Variants in KIF26A observed in about 807,000 individuals in gnomAD.
KIF26A encodes kinesin family member 26A, also known as kinesin-like protein KIF26A.
A neutral mutation model predicts 126.0 loss-of-function variants in KIF26A; 74 were observed. The ratio of observed to expected loss-of-function variants is 0.59; its 90% CI spans 0.49 to 0.71. KIF26A has a LOEUF of 0.71. Among genes scored for constraint, KIF26A ranks in the 30% least tolerant of loss-of-function variants. The pLI is 0.00. For synonymous variants in KIF26A, 1,445 were observed against 1,232.7 expected, an observed-to-expected ratio of 1.17 and a Z score of -3.61; for missense variants, 2,984 against 2,763.3, an observed-to-expected ratio of 1.08 and a Z score of -1.79.
chr14:104,141,293 G>T (rs2037634952), intron 2 of KIF26A, among the ~76,000 whole-genome samples: 1 of 152,236 alleles, frequency 6.6e-6, no homozygotes, highest in East Asian at 1.9e-4. Context: ...GTGGCAAGGG[G>T]TATTTAGGGT....
In KIF26A at chr14:104,175,655, C is replaced by T. The variant is rs1256653874; in HGVS notation, c.2867C>T (p.Pro956Leu). 6.2e-7 allele frequency: 1 copy of T among 1,609,686 alleles called. No homozygotes were observed. Among genetic ancestry groups the T allele is most frequent in the Non-Finnish European group, 8.5e-7 (1 of 1,179,144 alleles). ...RPLPSPAPPP[P>L]QLLEACRAPE... The stretch of plus-strand genomic sequence containing the variant: ...CTGCCCAGCCCGGCTCCCCCACCTC[C>T]TCAGTTGCTGGAAGCCTGCAGAGCC... The change falls in exon 12 of 15, where the codon CCT becomes CTT. Residue 956 changes from proline to leucine, a missense_variant. Coordinates refer to ENST00000423312, the MANE Select transcript of KIF26A (RefSeq NM_015656.2).
intron 2 of KIF26A, among the ~76,000 whole-genome samples, chr14:104,147,845 C>A (rs2037693334): frequency 6.6e-6 from 1 of 152,186 alleles, no homozygotes; most frequent in South Asian, 2.1e-4. Flanking sequence ...TGCCTCACTG[C>A]GTGGGTCGGG....
intron 4 of KIF26A, 40 bp from the exon 5 acceptor site, chr14:104,166,819 G>A (rs749081949): frequency 8.1e-6 from 12 of 1,490,066 alleles, no homozygotes; most frequent in Non-Finnish European, 1.8e-6. Flanking sequence ...AACAGCTGCT[G>A]TCACCCACCA....
At chr14:104,146,817 C>T (rs1164146554) in intron 2 of KIF26A, among the ~76,000 whole-genome samples, 1 of 152,244 alleles carries the variant, frequency 6.6e-6, no homozygotes, top group Admixed American at 6.5e-5. Flanking sequence ...GGCTGGAGCT[C>T]ACGTGGAGAC....
At position 104,180,728 on chromosome 14, in the gene KIF26A, C is replaced by T. The variant is rs1226359141; in HGVS notation, c.*938C>T. On this transcript the variant is annotated 3_prime_UTR_variant, in exon 15 of 15. Transcript: ENST00000423312. ...GGGGGCCTTGGGAGGCGCTTCTTGCCAAATGCAGACGAGGGGTGAGCCTGC... is the reference window on the plus strand; with the variant it reads ...GGGGGCCTTGGGAGGCGCTTCTTGCTAAATGCAGACGAGGGGTGAGCCTGC... 6.5e-6 allele frequency: 1 copy of T among 154,230 alleles called. No individual in the cohort carries two copies. Among genetic ancestry groups the T allele is most frequent in the Non-Finnish European group, 1.5e-5 (1 of 68,202 alleles). 9.6% of individuals were successfully genotyped at this position (154,230 alleles called of 1,614,324 possible).
rs752537997 is a variant in KIF26A at position 104,175,999 on chromosome 14, C to T, written c.3211C>T (p.Arg1071Trp). Residue 1071 changes from arginine to tryptophan, a missense_variant, in exon 12 of 15, where the codon CGG becomes TGG. Physicochemically the swap from Arg to Trp is moderately radical, Grantham distance 101. Transcript: ENST00000423312. ...CCTGCGGGCCCTGGCCTCGGGGTCC[C>T]GGCCAGTCAGCATCATCAGCAGCAT... ...CSLRALASGS[R>W]PVSIISSIND... The T allele has an allele frequency of 6.3e-6, 10 of 1,582,804 alleles. No homozygotes were observed. The highest frequency in any genetic ancestry group is 2.7e-5 in the African/African-American group (2 of 74,502).
chr14:104,163,651 A>G (rs1445933871), intron 4 of KIF26A, among the ~76,000 whole-genome samples: 1 of 150,822 alleles, frequency 6.6e-6, no homozygotes, highest in Admixed American at 6.6e-5. Context: ...TGGCTCAGCT[A>G]CCAGAGGGTC....
chr14:104,173,140 G>T lies in KIF26A; in HGVS notation c.1584G>T (p.Gln528His). ...VSAVEVCGRD[Q>H]SLRDLLAEVA... ...CCGTGGAGGTGTGCGGGCGCGACCAGAGCCTGCGGGACCTGCTGGCCGAGG... is the reference window on the plus strand; with the variant it reads ...CCGTGGAGGTGTGCGGGCGCGACCATAGCCTGCGGGACCTGCTGGCCGAGG... The change falls in exon 8 of 15, where the codon CAG becomes CAT. Residue 528 changes from glutamine to histidine, a missense_variant. Gln to His is a conservative substitution (Grantham distance 24). Transcript: ENST00000423312. The T allele has an allele frequency of 6.2e-7, 1 of 1,610,314 alleles. No individual in the cohort carries two copies. Among genetic ancestry groups the T allele is most frequent in the East Asian group, 2.2e-5 (1 of 44,792 alleles).
In KIF26A at chr14:104,179,125, G is replaced by A. The variant is rs1444134420; in HGVS notation, c.5317-111G>A. ...CTGCCCGCCCTTGGAGCCCCACTGT[G>A]TGCCTGCCAAGGCCTGGCAGGTGAA... On this transcript the variant is annotated intron_variant, in intron 13 of 14. Transcript: ENST00000423312. 32 of 1,252,358 alleles carry A rather than the reference G, an allele frequency of 2.6e-5. No homozygotes were observed. The East Asian group carries it at 9.1e-4, about 36-fold the overall frequency. The allele number at this position is 1,252,358 out of a possible 1,614,324, so 77.6% of individuals were successfully genotyped here.
chr14:104,171,169 C>T (rs28645757), intron 5 of KIF26A, among the ~76,000 whole-genome samples: 1 of 152,242 alleles, frequency 6.6e-6, no homozygotes, highest in East Asian at 1.9e-4. Flanking sequence ...GACTCTAGTC[C>T]GGCAGGCCAC....
chr14:104,157,891 G>A lies in KIF26A; in HGVS notation c.872G>A (p.Gly291Asp). 2 of 1,572,554 alleles carry A rather than the reference G, an allele frequency of 1.3e-6. No homozygotes were observed. The highest frequency in any genetic ancestry group is 1.4e-5 in the African/African-American group (1 of 72,970). ...CTSALVTPTP[G>D]SVGGSTGPSA... ...TCAGCCCTGGTCACCCCCACCCCGG[G>A]CTCGGTGGGGGGCTCCACAGGCCCC... Residue 291 changes from glycine (G) to aspartate (D), a missense_variant, in exon 4 of 15, where the codon GGC becomes GAC. Gly to Asp is a moderately conservative substitution (Grantham distance 94). Coordinates refer to ENST00000423312, the MANE Select transcript of KIF26A (RefSeq NM_015656.2).
chr14:104,139,357 T>G (rs1448656677), intron 2 of KIF26A, 69 bp downstream of exon 2: 15 of 1,372,010 alleles, frequency 1.1e-5, no homozygotes, highest in African/African-American at 1.5e-5. Context: ...AACTTGGGGC[T>G]TGGAGGGAAG....
At chr14:104,158,007 TGGGGACCTATGGGCCGTTCTTGG>T (rs2037798893) in intron 4 of KIF26A, 65 bp downstream of exon 4, 2 of 1,397,122 alleles carry the variant, frequency 1.4e-6, no homozygotes, top group South Asian at 3.1e-5. Context: ...TGTGGGCCCC[TGGGGACCTATGGGCCGTTCTTGG>T]GGGACCTCGG....
At position 104,177,859 on chromosome 14, in the gene KIF26A, C is replaced by T. The variant is rs201859182; in HGVS notation, c.5071C>T (p.Arg1691Cys). 623 of 1,557,792 alleles carry T rather than the reference C, an allele frequency of 4.0e-4. 2 individuals are homozygous for T. The highest frequency in any genetic ancestry group is 1.3e-3 in the Admixed American group (70 of 55,578). The change falls in exon 12 of 15, where the codon CGC becomes TGC. Residue 1691 changes from arginine (R) to cysteine (C), a missense_variant. Coordinates refer to ENST00000423312, the MANE Select transcript of KIF26A (RefSeq NM_015656.2). ...SESGAASPGA[R>C]TRSLKSPKKR... ...GAGTGGGGCTGCCTCCCCAGGCGCC[C>T]GCACCCGCAGCCTCAAGTCCCCCAA...
In KIF26A at chr14:104,166,843, T is replaced by C. The variant is rs1404053710; in HGVS notation, c.924-16T>C. 6.5e-7 allele frequency: 1 copy of C among 1,543,038 alleles called. No individual in the cohort carries two copies. ...TGTCACCCACCACTGATCCTGCCTC[T>C]GCCTCTCCTCCCCAGGGCTATGCAG... On this transcript the variant is annotated splice_polypyrimidine_tract_variant and intron_variant, in intron 4 of 14. Coordinates refer to ENST00000423312, the MANE Select transcript of KIF26A (RefSeq NM_015656.2).
At chr14:104,155,088 G>A (rs964531763) in intron 3 of KIF26A, among the ~76,000 whole-genome samples, 6 of 152,278 alleles carry the variant, frequency 3.9e-5, no homozygotes, top group East Asian at 3.9e-4. Flanking sequence ...GCAGGGTGGC[G>A]CACATCCACA....
chr14:104,178,494 C>T, intron 12 of KIF26A, 56 bp from the exon 13 acceptor site: 4 of 1,322,756 alleles, frequency 3.0e-6, no homozygotes, highest in Non-Finnish European at 4.0e-6. Flanking sequence ...CCCGCAGGGG[C>T]TGTGCTTGGG....
rs370188501 is a variant in KIF26A at position 104,175,067 on chromosome 14, G to A, written c.2279G>A (p.Arg760His). The part of the protein sequence containing the change: ...RPPHLRPFHP[R>H]TVALDPDRTP... The stretch of plus-strand genomic sequence containing the variant: ...CCGCACCTGCGGCCCTTCCACCCAC[G>A]CACTGTGGCCCTGGACCCCGACCGC... Residue 760 changes from arginine (R) to histidine (H), a missense_variant, in exon 12 of 15, where the codon CGC becomes CAC. Physicochemically the swap from Arg to His is conservative, Grantham distance 29 (BLOSUM62 0). Transcript: ENST00000423312. 79 of 1,588,572 alleles carry A rather than the reference G, an allele frequency of 5.0e-5. No individual in the cohort carries two copies. In the African/African-American group the frequency reaches 8.7e-4, roughly 18 times the overall value.
Position 104,152,024 on chromosome 14 carries a change from C to T in KIF26A, c.298C>T (p.Leu100Phe), listed in dbSNP as rs764482739. Residue 100 changes from leucine (L) to phenylalanine (F), a missense_variant, in exon 3 of 15, where the codon CTC becomes TTC. Leu to Phe is a conservative substitution (Grantham distance 22). Coordinates refer to ENST00000423312, the MANE Select transcript of KIF26A (RefSeq NM_015656.2). This position sits in a 1 kb window ranked among gnomAD's most constrained non-coding sequence, Gnocchi z 5.9. ...GPGTTLRDPC[L>F]SALLLDKLPA... ...CCCTTGCTGTCCTCAGGATCCTTGC[C>T]TCTCTGCCCTGCTTCTCGACAAGCT... The T allele has an allele frequency of 1.2e-6, 2 of 1,612,508 alleles. No individual in the cohort carries two copies. Among genetic ancestry groups the T allele is most frequent in the East Asian group, 2.2e-5 (1 of 44,886 alleles).
Sources: allele counts gnomAD v4.1 joint callset (sites outside exome capture counted in the v4.1 genomes callset), GRCh38; gene constraint gnomAD v4.1.1; non-coding constraint Gnocchi (gnomAD v3.1); transcripts MANE v1.5; gene names NCBI Gene and HGNC (gene_info 2026-07-23, HGNC 2026-07-21).